Variants in TBL1XR1 observed in about 807,000 individuals in gnomAD.
The protein encoded by TBL1XR1 is TBL1X/Y related 1, also known as F-box-like/WD repeat-containing protein TBL1XR1.
TBL1XR1 carries 5 observed loss-of-function variants against 66.9 expected under a neutral mutation model. The ratio of observed to expected loss-of-function variants is 0.07; its 90% CI spans 0.04 to 0.16. The LOEUF (loss-of-function observed/expected upper bound fraction) is 0.16. Among genes scored for constraint, TBL1XR1 ranks in the 10% least tolerant of loss-of-function variants. The pLI is 1.00. For synonymous variants in TBL1XR1, 210 were observed against 206.0 expected, an observed-to-expected ratio of 1.02 and a Z score of -0.17; for missense variants, 238 against 623.2, an observed-to-expected ratio of 0.38 and a Z score of 6.58.
intron 2 of TBL1XR1, among the ~76,000 whole-genome samples, chr3:177,065,342 G>C (rs1385938805): frequency 2.6e-5 from 4 of 152,120 alleles, no homozygotes. Flanking sequence ...ACTGTAAAAA[G>C]AAGTAAATTT....
intron 1 of TBL1XR1, among the ~76,000 whole-genome samples, chr3:177,114,424 C>T (rs1726043203): frequency 6.6e-6 from 1 of 151,920 alleles, no homozygotes; most frequent in East Asian, 1.9e-4. Context: ...TCAAAAGATC[C>T]TCTTGACTCA....
intron 1 of TBL1XR1, among the ~76,000 whole-genome samples, chr3:177,155,191 G>A (rs550767880): frequency 4.3e-4 from 65 of 152,148 alleles, no homozygotes; most frequent in African/African-American, 1.6e-3. Context: ...TAGAAAAAGG[G>A]CAAATTAAAC....
In TBL1XR1 at chr3:177,133,666, C is replaced by T. The variant is rs531534423; in HGVS notation, c.-121-35125G>A. The stretch of plus-strand genomic sequence containing the variant: ...CCTGTAATGCCAACACTTTGAGAGG[C>T]GGAGGCAGATGGATCATTTGAGGTC... On this transcript the variant is annotated intron_variant, in intron 1 of 15. Transcript: ENST00000457928. Among the ~76,000 whole-genome samples, 5 of 152,054 alleles carry T rather than the reference C, an allele frequency of 3.3e-5. No individual in the cohort carries two copies. In the South Asian group the frequency reaches 6.2e-4, roughly 19 times the overall value.
At chr3:177,140,584 A>C (rs1410000459) in intron 1 of TBL1XR1, among the ~76,000 whole-genome samples, 4 of 152,244 alleles carry the variant, frequency 2.6e-5, no homozygotes, top group Non-Finnish European at 5.9e-5. Flanking sequence ...TGGCAAAACA[A>C]CAAAGAAAAC....
chr3:177,188,761 G>A (rs1452274687), intron 1 of TBL1XR1, among the ~76,000 whole-genome samples: 2 of 152,112 alleles, frequency 1.3e-5, no homozygotes, highest in South Asian at 4.1e-4. Context: ...GGTACTCTAT[G>A]TTTACCAAAA....
chr3:177,112,223 T>A (rs1157277660), intron 1 of TBL1XR1, among the ~76,000 whole-genome samples: 1 of 147,292 alleles, frequency 6.8e-6, no homozygotes, highest in Non-Finnish European at 1.5e-5. Context: ...TTCTCCCACC[T>A]CAGCTTCCCA....
intron 1 of TBL1XR1, among the ~76,000 whole-genome samples, chr3:177,106,751 G>C (rs1463904344): frequency 1.3e-5 from 2 of 152,168 alleles, no homozygotes; most frequent in African/African-American, 2.4e-5. Flanking sequence ...TCCGCTAACA[G>C]GGAAACAGCT....
intron 3 of TBL1XR1, among the ~76,000 whole-genome samples, chr3:177,055,378 T>TTA (rs921679153): frequency 1.3e-5 from 2 of 152,072 alleles, no homozygotes; most frequent in African/African-American, 4.8e-5. Flanking sequence ...ACCTAACTCA[T>TTA]TATGCTCACA....
At chr3:177,152,130 A>C (rs1036776317) in intron 1 of TBL1XR1, among the ~76,000 whole-genome samples, 8 of 152,258 alleles carry the variant, frequency 5.3e-5, no homozygotes, top group Non-Finnish European at 1.0e-4. Context: ...ATAGCAAATT[A>C]GAAGTTTAGA....
intron 1 of TBL1XR1, among the ~76,000 whole-genome samples, chr3:177,164,226 T>C (rs1732558591): frequency 6.6e-6 from 1 of 152,214 alleles, no homozygotes. Flanking sequence ...CATTAAAAAC[T>C]GTTCATGTTT....
intron 5 of TBL1XR1, among the ~76,000 whole-genome samples, chr3:177,051,257 A>G (rs979287889): frequency 2.0e-5 from 3 of 151,982 alleles, no homozygotes; most frequent in African/African-American, 7.3e-5. Flanking sequence ...TTCTGAGAAA[A>G]AATTTTTAAA....
chr3:177,189,731 GCA>G (rs1300645157), intron 1 of TBL1XR1, among the ~76,000 whole-genome samples: 1 of 151,244 alleles, frequency 6.6e-6, no homozygotes, highest in Non-Finnish European at 1.5e-5. Flanking sequence ...AACTAATACA[GCA>G]CAGTCTTACC....
intron 14 of TBL1XR1, among the ~76,000 whole-genome samples, chr3:177,031,827 A>G (rs1714052269): frequency 6.6e-6 from 1 of 151,852 alleles, no homozygotes; most frequent in African/African-American, 2.4e-5. Flanking sequence ...TTCAGGCTTA[A>G]TAATCATTTG....
intron 1 of TBL1XR1, among the ~76,000 whole-genome samples, chr3:177,115,434 T>C (rs1340792946): frequency 6.6e-6 from 1 of 152,108 alleles, no homozygotes; most frequent in Non-Finnish European, 1.5e-5. Flanking sequence ...AAAACACTAG[T>C]CATTATCATA....
chr3:177,153,747 C>T (rs892904830), intron 1 of TBL1XR1, among the ~76,000 whole-genome samples: 3 of 151,620 alleles, frequency 2.0e-5, no homozygotes, highest in African/African-American at 7.3e-5. Context: ...CGTGGTGGCA[C>T]GCGCCTGTAA....
At chr3:177,047,106 T>C (rs1432582188) in intron 9 of TBL1XR1, among the ~76,000 whole-genome samples, 194 bp downstream of exon 9, 1 of 152,152 alleles carries the variant, frequency 6.6e-6, no homozygotes, top group East Asian at 1.9e-4. Context: ...AGTGTTCACA[T>C]AGATAAAAGG....
At chr3:177,100,013 G>A (rs887884583) in intron 1 of TBL1XR1, among the ~76,000 whole-genome samples, 8 of 152,172 alleles carry the variant, frequency 5.3e-5, no homozygotes, top group South Asian at 2.1e-4. Flanking sequence ...AAGCCGAGGC[G>A]GGCCGCTTGA....
intron 2 of TBL1XR1, among the ~76,000 whole-genome samples, chr3:177,065,511 C>T (rs1468632079): frequency 6.6e-6 from 1 of 152,172 alleles, no homozygotes; most frequent in Admixed American, 6.5e-5. Flanking sequence ...TATTTTCTCA[C>T]CATCTCATCT....
chr3:177,106,214 AAAATTTT>A (rs1724866424), intron 1 of TBL1XR1, among the ~76,000 whole-genome samples: 1 of 152,222 alleles, frequency 6.6e-6, no homozygotes, highest in South Asian at 2.1e-4. Flanking sequence ...TATGTGTGAC[AAAATTTT>A]AAGTAGTAGG....
Sources: gnomAD v4.1 joint callset for allele counts (sites outside exome capture counted in the v4.1 genomes callset) on GRCh38, gnomAD v4.1.1 for gene constraint, MANE v1.5 for transcripts, NCBI Gene and HGNC (gene_info 2026-07-23, HGNC 2026-07-21) for gene names.